KCTD1: variants seen among roughly 807,000 people sequenced by gnomAD.
KCTD1 encodes the protein potassium channel tetramerization domain containing 1, also known as BTB/POZ domain-containing protein KCTD1.
In KCTD1, 24 loss-of-function variants were observed where a neutral mutation model predicts 66.0. That is an observed-to-expected ratio of 0.36 (90% confidence interval 0.26 to 0.51). The LOEUF (loss-of-function observed/expected upper bound fraction) is 0.51. Ranked by LOEUF, KCTD1 falls within the 20% of genes least tolerant of loss-of-function variation. The pLI is 0.95. For synonymous variants in KCTD1, 511 were observed against 517.2 expected, an observed-to-expected ratio of 0.99 and a Z score of 0.16; for missense variants, 943 against 1,205.2, an observed-to-expected ratio of 0.78 and a Z score of 3.22.
rs1567989208 is a variant in KCTD1, at chr18:26,547,745, G to A, written c.792C>T (p.Ala264=). ...PELRSANLTL[A]AVIRKLEEQG... is the part of the protein sequence containing the mutation. ...GCTCCTCGAGCTTGCGGATGACCGC[G>A]GCCAGCGTCAGGTTGGCGCTGCGCA... The change falls in exon 1 of 5, where the codon GCC becomes GCT. Residue 264 remains alanine, a synonymous_variant. Transcript: ENST00000580059. 1.3e-6 allele frequency: 2 copies of A among 1,545,206 alleles called. No individual in the cohort carries two copies. Among genetic ancestry groups the A allele is most frequent in the Non-Finnish European group, 1.7e-6 (2 of 1,146,668 alleles).
upstream of KCTD1, among the ~76,000 whole-genome samples, chr18:26,632,847 AATGGAAT>A (rs1391555417): frequency 6.6e-6 from 1 of 152,170 alleles, no homozygotes; most frequent in Non-Finnish European, 1.5e-5. Flanking sequence ...TGGATATGAA[AATGGAAT>A]ATGGCATAAA....
chr18:26,602,104 A>G (rs374531318), intron 1 of KCTD1, among the ~76,000 whole-genome samples: 1 of 152,292 alleles, frequency 6.6e-6, no homozygotes, highest in African/African-American at 2.4e-5. Flanking sequence ...TTCACAATTA[A>G]GTATGATGTT....
At chr18:26,654,957 A>C (rs530802202) in intron 1 of KCTD1, among the ~76,000 whole-genome samples, 78 of 152,284 alleles carry the variant, frequency 5.1e-4, no homozygotes, top group African/African-American at 1.8e-3. Flanking sequence ...ACAAATACAA[A>C]CACGAGGAAT....
chr18:26,646,237 C>T (rs908783414), intron 1 of KCTD1, among the ~76,000 whole-genome samples: 1 of 152,162 alleles, frequency 6.6e-6, no homozygotes, highest in Admixed American at 6.5e-5. Context: ...GGATCAAGAG[C>T]TGACTCCTTT....
intron 1 of KCTD1, among the ~76,000 whole-genome samples, chr18:26,601,344 A>AAAAG: frequency 6.6e-6 from 1 of 151,374 alleles, no homozygotes; most frequent in Non-Finnish European, 1.5e-5. Flanking sequence ...AAAAAAAAAA[A>AAAAG]AAAAAGAAAG....
intron 2 of KCTD1, among the ~76,000 whole-genome samples, chr18:26,499,208 G>A (rs1982632601): frequency 6.6e-6 from 1 of 152,144 alleles, no homozygotes; most frequent in Non-Finnish European, 1.5e-5. Flanking sequence ...CTCTTAATAT[G>A]CATTTTGTGA....
At chr18:26,554,486 GT>G (rs1985657277) in intron 1 of KCTD1, among the ~76,000 whole-genome samples, 1 of 152,162 alleles carries the variant, frequency 6.6e-6, no homozygotes, top group South Asian at 2.1e-4. Flanking sequence ...ACCCATCTGT[GT>G]CTTAGAAGAA....
intron 1 of KCTD1, among the ~76,000 whole-genome samples, chr18:26,584,260 A>C (rs4800262): frequency 0.21 from 32,294 of 152,170 alleles, 3,552 homozygotes; most frequent in East Asian, 0.33. Flanking sequence ...GGCAAGACAA[A>C]TTGAGATGTG....
At chr18:26,614,452 A>T (rs1987205717) in intron 1 of KCTD1, among the ~76,000 whole-genome samples, 1 of 152,224 alleles carries the variant, frequency 6.6e-6, no homozygotes, top group Non-Finnish European at 1.5e-5. Flanking sequence ...GGGTGGGGAG[A>T]GGCAGGGGAG....
At chr18:26,472,137 G>C (rs1047497219) in intron 3 of KCTD1, among the ~76,000 whole-genome samples, 3 of 152,062 alleles carry the variant, frequency 2.0e-5, no homozygotes, top group African/African-American at 7.2e-5. Context: ...GGTGGCAGAG[G>C]GGGAGGCAGA....
chr18:26,638,888 T>C (rs1295424693), intron 1 of KCTD1, among the ~76,000 whole-genome samples: 1 of 152,244 alleles, frequency 6.6e-6, no homozygotes, highest in Non-Finnish European at 1.5e-5. Flanking sequence ...TCTTGCAAAA[T>C]TCCCTCTTGC....
At position 26,476,418 on chromosome 18, in the gene KCTD1, T is replaced by G; in HGVS notation, c.2133+97A>C. On this transcript the variant is annotated intron_variant, in intron 3 of 4. Coordinates refer to ENST00000580059, the MANE Select transcript of KCTD1 (RefSeq NM_001142730.3). The surrounding 1 kb of genome is among the most constrained non-coding windows in gnomAD (Gnocchi z 4.9). ...AAGAGAACTCTGGCACCTTTCGAGT[T>G]GGTGTATGTTAATAATGTAGAACTA... is the stretch of plus-strand genomic sequence containing the variant. 6.1e-6 allele frequency: 7 copies of G among 1,144,374 alleles called. No individual in the cohort carries two copies. Among genetic ancestry groups the G allele is most frequent in the Non-Finnish European group, 8.5e-6 (7 of 823,192 alleles). 70.9% of individuals were successfully genotyped at this position (1,144,374 alleles called of 1,614,324 possible). A position where few individuals can be genotyped will look rare whatever the true frequency, so the allele number is the denominator to read the frequency against.
chr18:26,657,411 CT>C, upstream of KCTD1: 3 of 985,522 alleles, frequency 3.0e-6, no homozygotes, highest in Non-Finnish European at 3.6e-6. Context: ...TCCTTTTCCT[CT>C]CCCCCCTTTT....
At chr18:26,633,194 A>G (rs1017667137), upstream of KCTD1, among the ~76,000 whole-genome samples, 22 of 152,224 alleles carry the variant, frequency 1.4e-4, no homozygotes, top group African/African-American at 5.3e-4. Context: ...AATATACATC[A>G]TATATCAAAT....
chr18:26,607,407 T>C (rs1987041640), intron 1 of KCTD1, among the ~76,000 whole-genome samples: 1 of 152,204 alleles, frequency 6.6e-6, no homozygotes, highest in Admixed American at 6.5e-5. Context: ...CCATTTCTCC[T>C]TTTGGCTGAG....
At chr18:26,644,853 T>C (rs560002102), upstream of KCTD1, among the ~76,000 whole-genome samples, 3 of 151,918 alleles carry the variant, frequency 2.0e-5, no homozygotes, top group South Asian at 6.2e-4. Flanking sequence ...TGGGAACAGT[T>C]GGAGAATAAT....
chr18:26,600,281 T>C, intron 1 of KCTD1: 14 of 1,606,318 alleles, frequency 8.7e-6, no homozygotes, highest in African/African-American at 1.3e-5. Context: ...TACCTTGGGA[T>C]GCCAGCCTTC....
chr18:26,585,467 TG>T (rs1423147798), intron 1 of KCTD1, among the ~76,000 whole-genome samples: 4 of 152,226 alleles, frequency 2.6e-5, no homozygotes, highest in African/African-American at 9.6e-5. Context: ...CAGGGGCCTC[TG>T]TTCATTTTTT....
At chr18:26,640,727 G>A (rs1987817421), upstream of KCTD1, among the ~76,000 whole-genome samples, 1 of 152,172 alleles carries the variant, frequency 6.6e-6, no homozygotes, top group Non-Finnish European at 1.5e-5. Context: ...TTATAAGAGT[G>A]TGTGCTGTCT....
Sources: gnomAD v4.1 joint callset for allele counts (sites outside exome capture counted in the v4.1 genomes callset) on GRCh38, gnomAD v4.1.1 for gene constraint, Gnocchi (gnomAD v3.1) non-coding constraint, MANE v1.5 for transcripts, NCBI Gene and HGNC (gene_info 2026-07-23, HGNC 2026-07-21) for gene names.